Variants in NEDD4 observed in about 807,000 individuals in gnomAD.
The protein encoded by NEDD4 is NEDD4 E3 ubiquitin protein ligase, also known as E3 ubiquitin-protein ligase NEDD4.
A neutral mutation model predicts 144.9 loss-of-function variants in NEDD4; 99 were observed. That is an observed-to-expected ratio of 0.68 (90% CI 0.58 to 0.81). NEDD4 has a LOEUF of 0.81. Ranked by LOEUF, NEDD4 falls within the 30% of genes least tolerant of loss-of-function variation. NEDD4 has a pLI of 0.00. For synonymous variants in NEDD4, 318 were observed against 350.6 expected, an observed-to-expected ratio of 0.91 and a Z score of 1.04; for missense variants, 985 against 1,065.9, an observed-to-expected ratio of 0.92 and a Z score of 1.06.
intron 17 of NEDD4, among the ~76,000 whole-genome samples, chr15:55,847,965 C>A (rs1327292131): frequency 6.6e-6 from 1 of 152,138 alleles, no homozygotes; most frequent in East Asian, 1.9e-4. Flanking sequence ...CAGGTGTGAG[C>A]CTGGCTTGAT....
intron 21 of NEDD4, among the ~76,000 whole-genome samples, chr15:55,840,001 T>TAA (rs2033419864): frequency 6.8e-5 from 1 of 14,628 alleles, no homozygotes; most frequent in Non-Finnish European, 1.2e-4. Flanking sequence ...AAAAAAAAAA[T>TAA]ATATATATAT....
At position 55,830,544 on chromosome 15, in the gene NEDD4, G is replaced by C; in HGVS notation, c.2570C>G (p.Thr857Ser). Residue 857 changes from threonine to serine, a missense_variant, in exon 28 of 29, where the codon ACT (threonine) becomes AGT (serine). Physicochemically the swap from Thr to Ser is moderately conservative, Grantham distance 58. Coordinates refer to ENST00000435532, the MANE Select transcript of NEDD4 (RefSeq NM_006154.4). ...PQSFTVEQWG[T>S]PEKLPRAHTC... ...ATGAGCTCTTGGCAGCTTTTCAGGA[G>C]TACCCCACTGTTCAACTGTAAATGA... The C allele has an allele frequency of 1.9e-6, 3 of 1,614,114 alleles. No individual in the cohort carries two copies. Among genetic ancestry groups the C allele is most frequent in the Non-Finnish European group, 2.5e-6 (3 of 1,179,962 alleles).
At chr15:55,962,405 T>C (rs564395203) in intron 2 of NEDD4, among the ~76,000 whole-genome samples, 5 of 152,108 alleles carry the variant, frequency 3.3e-5, no homozygotes, top group Admixed American at 6.6e-5. Context: ...AGTCTACAGG[T>C]TTATTGTTTG....
chr15:55,869,631 G>C lies in NEDD4; in HGVS notation c.455C>G (p.Pro152Arg). 1 of 1,583,412 alleles carries C rather than the reference G, an allele frequency of 6.3e-7. No homozygotes were observed. Among genetic ancestry groups the C allele is most frequent in the South Asian group, 1.2e-5 (1 of 86,742 alleles). ...ATCATCTTCTGAGCCACTGGTTTTA[G>C]GTAAATAAGTCATTTTTAGTCTCAG... ...GYLRLKMTYL[P>R]KTSGSEDDNA... is the part of the protein sequence containing the mutation. The change falls in exon 8 of 29, where the codon CCT becomes CGT. Residue 152 changes from proline to arginine, a missense_variant. Coordinates refer to ENST00000435532, the MANE Select transcript of NEDD4 (RefSeq NM_006154.4).
chr15:55,898,079 C>A (rs1215053078), intron 5 of NEDD4, among the ~76,000 whole-genome samples: 1 of 152,202 alleles, frequency 6.6e-6, no homozygotes, highest in Non-Finnish European at 1.5e-5. Context: ...ATCCACAACT[C>A]AAGTGGACTT....
intron 5 of NEDD4, among the ~76,000 whole-genome samples, chr15:55,912,062 A>T (rs564961307): frequency 6.6e-6 from 1 of 152,356 alleles, no homozygotes; most frequent in East Asian, 1.9e-4. Flanking sequence ...CAGTTCTAAG[A>T]AATATACATG....
In NEDD4 at chr15:55,914,211, T is replaced by TA. The variant is rs1555403319; in HGVS notation, c.291+10434dup. On this transcript the variant is annotated intron_variant, in intron 5 of 28. Transcript: ENST00000435532. ...TTACTTATCCAGAAGTTTTTTTTTT[T>TA]AAAACAATCTTTAATAAACATAATG... 9.0e-3 allele frequency among the ~76,000 whole-genome samples: 1,367 copies of TA among 151,600 alleles called. 10 individuals carry two copies. Among genetic ancestry groups the TA allele is most frequent in the African/African-American group, 0.029 (1,200 of 41,438 alleles).
At chr15:55,911,088 C>A (rs1241104258) in intron 5 of NEDD4, among the ~76,000 whole-genome samples, 1 of 152,014 alleles carries the variant, frequency 6.6e-6, no homozygotes, top group Non-Finnish European at 1.5e-5. Flanking sequence ...AGTGGAGATT[C>A]TTTCACATTT....
intron 7 of NEDD4, among the ~76,000 whole-genome samples, chr15:55,870,694 C>T (rs568490531): frequency 3.3e-5 from 5 of 151,922 alleles, no homozygotes; most frequent in South Asian, 4.2e-4. Context: ...CTGCCATGCC[C>T]GGTTAATTTT....
intron 24 of NEDD4, among the ~76,000 whole-genome samples, chr15:55,835,960 C>G (rs2033171811): frequency 6.6e-6 from 1 of 152,202 alleles, no homozygotes; most frequent in Non-Finnish European, 1.5e-5. Context: ...ACTTCACACA[C>G]AGGCCCTGTA....
chr15:55,850,812 GTAACT>G (rs2142007569), intron 13 of NEDD4, 70 bp from the exon 14 acceptor site: 1 of 1,402,776 alleles, frequency 7.1e-7, no homozygotes, highest in East Asian at 2.5e-5. Context: ...AGTTAAAAAG[GTAACT>G]TAACCTGCAA....
At chr15:55,846,767 C>G (rs986731355) in intron 18 of NEDD4, among the ~76,000 whole-genome samples, 1 of 152,180 alleles carries the variant, frequency 6.6e-6, no homozygotes, top group East Asian at 1.9e-4. Flanking sequence ...ATAAAATATA[C>G]TGAAAAATAA....
chr15:55,880,846 TG>T (rs1359016754), intron 5 of NEDD4, among the ~76,000 whole-genome samples: 1 of 152,126 alleles, frequency 6.6e-6, no homozygotes, highest in African/African-American at 2.4e-5. Flanking sequence ...GAATACAAAG[TG>T]CCCTGCATAA....
At chr15:55,886,412 T>C (rs2035388739) in intron 5 of NEDD4, among the ~76,000 whole-genome samples, 1 of 152,188 alleles carries the variant, frequency 6.6e-6, no homozygotes, top group Non-Finnish European at 1.5e-5. Context: ...TCTCAGTGCA[T>C]GGATCCTTCT....
At chr15:55,875,233 A>T (rs2034953188) in intron 5 of NEDD4, among the ~76,000 whole-genome samples, 1 of 152,228 alleles carries the variant, frequency 6.6e-6, no homozygotes, top group African/African-American at 2.4e-5. Context: ...AAGAAAAATA[A>T]GGTCATAATG....
In NEDD4 at chr15:55,923,800, A is replaced by C. The variant is rs572869010; in HGVS notation, c.291+846T>G. On this transcript the variant is annotated intron_variant, in intron 5 of 28. Coordinates refer to ENST00000435532, the MANE Select transcript of NEDD4 (RefSeq NM_006154.4). ...TTACCATTTCTTGAGGGCAAAAAAA[A>C]CATGAATGTAGTTTAACACTAAAAA... Among the ~76,000 whole-genome samples, 30 of 152,056 alleles carry C rather than the reference A, an allele frequency of 2.0e-4. 1 individual carries two copies. Among genetic ancestry groups the C allele is most frequent in the African/African-American group, 6.0e-4 (25 of 41,518 alleles).
chr15:55,957,441 CT>C (rs1431445558), intron 2 of NEDD4, among the ~76,000 whole-genome samples: 1 of 152,188 alleles, frequency 6.6e-6, no homozygotes, highest in Non-Finnish European at 1.5e-5. Flanking sequence ...ATAGATACCC[CT>C]GATGAGGTTT....
At chr15:55,890,606 C>A (rs1294020746) in intron 5 of NEDD4, among the ~76,000 whole-genome samples, 1 of 152,158 alleles carries the variant, frequency 6.6e-6, no homozygotes, top group Non-Finnish European at 1.5e-5. Flanking sequence ...GTTGTTTCAA[C>A]TGTTTGGCTA....
intron 5 of NEDD4, among the ~76,000 whole-genome samples, chr15:55,894,083 G>C (rs1387523912): frequency 6.6e-6 from 1 of 151,958 alleles, no homozygotes; most frequent in Non-Finnish European, 1.5e-5. Flanking sequence ...TTGGAAACTG[G>C]ATATCTTTGC....
Sources: gnomAD v4.1 joint callset for allele counts (sites outside exome capture counted in the v4.1 genomes callset) on GRCh38, gnomAD v4.1.1 for gene constraint, MANE v1.5 for transcripts, NCBI Gene and HGNC (gene_info 2026-07-23, HGNC 2026-07-21) for gene names.